The following KIF15 variants were observed in gnomAD, a reference collection of about 807,000 sequenced individuals.
KIF15 encodes the protein kinesin-like protein KIF15.
A neutral mutation model predicts 190.6 loss-of-function variants in KIF15; 140 were observed. The observed-to-expected ratio is 0.73, with a 90% confidence interval of 0.64 to 0.84. The LOEUF is 0.84. KIF15 is among the 40% of genes least tolerant of loss of function. The pLI is 0.00. For missense variants in KIF15, 1,372 were observed against 1,584.4 expected, an observed-to-expected ratio of 0.87 and a Z score of 2.28; for synonymous variants, 528 against 551.3, an observed-to-expected ratio of 0.96 and a Z score of 0.59.
At position 44,810,886 on chromosome 3, in the gene KIF15, G is replaced by C; in HGVS notation, c.2012G>C (p.Arg671Pro). The change falls in exon 17 of 35, where the codon CGA becomes CCA. Residue 671 changes from arginine (R) to proline (P), a missense_variant. Arg to Pro is a moderately radical substitution (Grantham distance 103). Transcript: ENST00000326047. Reference sequence around the variant, plus strand: ...ACCAAGGCCTACCAACTTCATTCCCGACCAGTACCAAAATTAAGCCCTGAA... The same window carrying C: ...ACCAAGGCCTACCAACTTCATTCCCCACCAGTACCAAAATTAAGCCCTGAA... ...TPTKAYQLHSRPVPKLSPEMG... is the reference protein window; with the variant it reads ...TPTKAYQLHSPPVPKLSPEMG... 6.2e-7 allele frequency: 1 copy of C among 1,613,626 alleles called. No individual in the cohort carries two copies. The highest frequency in any genetic ancestry group is 8.5e-7 in the Non-Finnish European group (1 of 1,179,926).
At chr3:44,827,682 AT>A (rs1239058204) in intron 23 of KIF15, among the ~76,000 whole-genome samples, 154 bp downstream of exon 23, 2 of 151,888 alleles carry the variant, frequency 1.3e-5, no homozygotes, top group Non-Finnish European at 1.5e-5. Context: ...TTTTAATTTT[AT>A]TTTTTTCTTC....
intron 8 of KIF15, among the ~76,000 whole-genome samples, chr3:44,795,131 T>C (rs1375277207): frequency 6.6e-6 from 1 of 152,084 alleles, no homozygotes; most frequent in Non-Finnish European, 1.5e-5. Flanking sequence ...AGCAAAAATG[T>C]TTTAATTCAT....
chr3:44,813,221 C>T, intron 19 of KIF15, 41 bp downstream of exon 19: 1 of 1,083,016 alleles, frequency 9.2e-7, no homozygotes. Context: ...TGAAGGAATA[C>T]TGTAACTCAA....
intron 18 of KIF15, among the ~76,000 whole-genome samples, chr3:44,812,731 T>C (rs1175665242): frequency 2.6e-5 from 4 of 152,194 alleles, no homozygotes; most frequent in Admixed American, 1.3e-4. Context: ...ACACCTGTAA[T>C]CCCAGCACTT....
downstream of KIF15, among the ~76,000 whole-genome samples, chr3:44,857,570 G>T (rs1699201376): frequency 6.6e-6 from 1 of 152,196 alleles, no homozygotes; most frequent in Non-Finnish European, 1.5e-5. Flanking sequence ...AGTCTCTAAA[G>T]CTGTCTTCAA....
At chr3:44,837,761 C>A (rs1398626824) in intron 26 of KIF15, among the ~76,000 whole-genome samples, 2 of 152,158 alleles carry the variant, frequency 1.3e-5, no homozygotes, top group African/African-American at 4.8e-5. Flanking sequence ...TATAGGACTT[C>A]TAATTTTCTG....
chr3:44,868,443 C>T (rs531861859), intron 6 of KIF15, among the ~76,000 whole-genome samples: 51 of 152,162 alleles, frequency 3.4e-4, no homozygotes, highest in South Asian at 1.5e-3. Flanking sequence ...CAATTGTGTA[C>T]ACGTTTTTGT....
chr3:44,836,740 T>C (rs1306787458), intron 26 of KIF15, among the ~76,000 whole-genome samples: 1 of 152,122 alleles, frequency 6.6e-6, no homozygotes, highest in Non-Finnish European at 1.5e-5. Flanking sequence ...AATCACTGAG[T>C]CAAGGAGTAT....
chr3:44,766,246 GC>G (rs964803615), intron 1 of KIF15, among the ~76,000 whole-genome samples: 1 of 152,170 alleles, frequency 6.6e-6, no homozygotes, highest in African/African-American at 2.4e-5. Context: ...AAATCTCAGA[GC>G]CTGGGGACTT....
chr3:44,812,953 C>G (rs1707857973), intron 18 of KIF15, 122 bp from the exon 19 acceptor site: 1 of 569,684 alleles, frequency 1.8e-6, no homozygotes, highest in Non-Finnish European at 3.0e-6. Context: ...TCACTGCACT[C>G]CAGCCTGGGT....
chr3:44,806,108 G>C, intron 16 of KIF15, 122 bp downstream of exon 16: 1 of 1,049,164 alleles, frequency 9.5e-7, no homozygotes, highest in Non-Finnish European at 1.4e-6. Flanking sequence ...AATTAACACC[G>C]GTGTCACACT....
intron 6 of KIF15, chr3:44,862,702 C>G (rs1699271905): frequency 6.6e-6 from 1 of 152,000 alleles, no homozygotes; most frequent in South Asian, 2.1e-4. Flanking sequence ...AACTTGCATC[C>G]TGGCGTCTGC....
At position 44,840,444 on chromosome 3, in the gene KIF15, T is replaced by C; in HGVS notation, c.3408T>C (p.Ala1136=). 2 of 1,597,954 alleles carry C rather than the reference T, an allele frequency of 1.3e-6. No homozygotes were observed. Among genetic ancestry groups the C allele is most frequent in the Non-Finnish European group, 1.7e-6 (2 of 1,168,064 alleles). Residue 1136 remains alanine (A), a synonymous_variant, in exon 28 of 35, where the codon GCT becomes GCC. Coordinates refer to ENST00000326047, the MANE Select transcript of KIF15 (RefSeq NM_020242.3). ...RQLEHVMDSA[A]EDPQSPKTPP... The stretch of plus-strand genomic sequence containing the variant: ...TAGAACATGTGATGGATTCTGCTGC[T>C]GAGGATCCCCAGGTACTTTTCAGAA...
chr3:44,856,107 G>C (rs1273300492), downstream of KIF15, among the ~76,000 whole-genome samples: 1 of 152,192 alleles, frequency 6.6e-6, no homozygotes, highest in East Asian at 1.9e-4. Flanking sequence ...GAGGTGGGAA[G>C]CCCAAACCCA....
chr3:44,796,118 C>T (rs1706965843), intron 8 of KIF15, among the ~76,000 whole-genome samples: 1 of 152,192 alleles, frequency 6.6e-6, no homozygotes, highest in African/African-American at 2.4e-5. Flanking sequence ...CCTCCTTGGC[C>T]TCCCAAAGTG....
At chr3:44,785,104 T>C (rs1706347417) in intron 6 of KIF15, among the ~76,000 whole-genome samples, 162 bp downstream of exon 6, 1 of 152,212 alleles carries the variant, frequency 6.6e-6, no homozygotes, top group South Asian at 2.1e-4. Flanking sequence ...GAGGATAATA[T>C]TAAGGATTCT....
In KIF15 at chr3:44,797,537, C is replaced by T. The variant is rs41352049; in HGVS notation, c.850-14C>T. On this transcript the variant is annotated splice_polypyrimidine_tract_variant and intron_variant, in intron 8 of 34. Coordinates refer to ENST00000326047, the MANE Select transcript of KIF15 (RefSeq NM_020242.3). Reference sequence around the variant, plus strand: ...ACGTACCTAAATTTTTGTTCTTTTCCGTCAACACTTTAGGAAGCAGGTAAC... The same window carrying T: ...ACGTACCTAAATTTTTGTTCTTTTCTGTCAACACTTTAGGAAGCAGGTAAC... 2.6e-3 allele frequency: 4,239 copies of T among 1,609,720 alleles called. 76 individuals carry two copies. In the African/African-American group the frequency reaches 0.043, roughly 16 times the overall value.
intron 1 of KIF15, among the ~76,000 whole-genome samples, chr3:44,771,933 T>C (rs1226105751): frequency 1.3e-5 from 2 of 152,242 alleles, no homozygotes; most frequent in Non-Finnish European, 2.9e-5. Flanking sequence ...AAAATGTACA[T>C]TTTGATGACA....
chr3:44,822,462 G>T (rs1312273586), intron 20 of KIF15, among the ~76,000 whole-genome samples: 8 of 152,154 alleles, frequency 5.3e-5, no homozygotes, highest in Admixed American at 5.2e-4. Flanking sequence ...CAACCTTGGT[G>T]AATCTGACAA....
Sources: gnomAD v4.1 joint callset for allele counts (sites outside exome capture counted in the v4.1 genomes callset) on GRCh38, gnomAD v4.1.1 for gene constraint, MANE v1.5 for transcripts, NCBI Gene and HGNC (gene_info 2026-07-23, HGNC 2026-07-21) for gene names.